The following ATXN1 variants were observed in gnomAD, a reference collection of about 807,000 sequenced individuals.
ATXN1 encodes the protein ataxin-1.
In ATXN1, 8 loss-of-function variants were observed where a neutral mutation model predicts 56.4. The observed-to-expected ratio is 0.14, with a 90% CI of 0.08 to 0.26. The LOEUF is 0.26. ATXN1 is among the 10% of genes least tolerant of loss of function. ATXN1 has a pLI of 1.00. For missense variants in ATXN1, 987 were observed against 1,106.5 expected (o/e 0.89, Z 1.53); for synonymous variants, 514 against 494.6 (o/e 1.04, Z -0.52).
At chr6:16,464,277 G>A (rs1054102746) in intron 6 of ATXN1, among the ~76,000 whole-genome samples, 4 of 152,228 alleles carry the variant, frequency 2.6e-5, no homozygotes, top group East Asian at 1.9e-4. Flanking sequence ...TCTGTAAAAC[G>A]CACCAATTAG....
intron 6 of ATXN1, among the ~76,000 whole-genome samples, chr6:16,437,900 T>A (rs1168455986): frequency 6.6e-6 from 1 of 152,210 alleles, no homozygotes; most frequent in Non-Finnish European, 1.5e-5. Flanking sequence ...GGTGCCACAC[T>A]AATTCTGGCC....
At chr6:16,486,835 C>T (rs1760556622) in intron 5 of ATXN1, among the ~76,000 whole-genome samples, 1 of 152,066 alleles carries the variant, frequency 6.6e-6, no homozygotes, top group Non-Finnish European at 1.5e-5. Flanking sequence ...GCGTTTCGTG[C>T]ACTGAATGTT....
At chr6:16,364,317 T>C (rs1761871888) in intron 6 of ATXN1, among the ~76,000 whole-genome samples, 1 of 152,148 alleles carries the variant, frequency 6.6e-6, no homozygotes, top group Admixed American at 6.5e-5. Flanking sequence ...TAGATTTTTT[T>C]TTTTTGGAGA....
intron 6 of ATXN1, among the ~76,000 whole-genome samples, chr6:16,466,918 T>C (rs1446574397): frequency 6.6e-6 from 1 of 152,200 alleles, no homozygotes; most frequent in African/African-American, 2.4e-5. Context: ...TAACTCAAGT[T>C]TCCAATAACG....
intron 4 of ATXN1, among the ~76,000 whole-genome samples, chr6:16,568,683 G>A (rs1762275833): frequency 6.6e-6 from 1 of 151,668 alleles, no homozygotes; most frequent in Non-Finnish European, 1.5e-5. Flanking sequence ...TCTGGCATCT[G>A]TCTGCCTCTC....
At chr6:16,599,178 G>C (rs560288161) in intron 3 of ATXN1, among the ~76,000 whole-genome samples, 1 of 152,268 alleles carries the variant, frequency 6.6e-6, no homozygotes, top group South Asian at 2.1e-4. Context: ...CACACCCAGG[G>C]ATCAGTCTTC....
chr6:16,580,217 C>A (rs765608379), intron 4 of ATXN1, among the ~76,000 whole-genome samples: 1 of 152,188 alleles, frequency 6.6e-6, no homozygotes, highest in Non-Finnish European at 1.5e-5. Context: ...AGAAAGGGAA[C>A]TGGATGTTCA....
chr6:16,610,593 A>C (rs1437394629), intron 3 of ATXN1, among the ~76,000 whole-genome samples: 2 of 152,066 alleles, frequency 1.3e-5, no homozygotes, highest in Non-Finnish European at 2.9e-5. Context: ...AAAAATAAAA[A>C]AGGCATTCTT....
intron 6 of ATXN1, among the ~76,000 whole-genome samples, chr6:16,358,127 G>A (rs179981): frequency 0.1 from 15,405 of 152,170 alleles, 1,158 homozygotes; most frequent in Admixed American, 0.22. Flanking sequence ...CAAGAAGGGC[G>A]AAGATGCAAA....
intron 2 of ATXN1, among the ~76,000 whole-genome samples, chr6:16,682,242 G>A (rs1183073006): frequency 7.9e-6 from 1 of 126,272 alleles, no homozygotes; most frequent in Non-Finnish European, 1.6e-5. Context: ...TGTCACCCAG[G>A]CTGGAGTGCA....
intron 4 of ATXN1, among the ~76,000 whole-genome samples, chr6:16,538,870 G>C (rs1046549254): frequency 6.6e-6 from 1 of 152,096 alleles, no homozygotes; most frequent in African/African-American, 2.4e-5. Flanking sequence ...TTTTTCAGTA[G>C]AGACAGGGTT....
intron 4 of ATXN1, among the ~76,000 whole-genome samples, chr6:16,555,466 A>G (rs890985246): frequency 1.3e-5 from 2 of 151,946 alleles, no homozygotes; most frequent in African/African-American, 2.4e-5. Context: ...TAAACACACC[A>G]CCTAACAATG....
intron 2 of ATXN1, among the ~76,000 whole-genome samples, chr6:16,672,793 G>A (rs138622178): frequency 6.9e-4 from 105 of 152,286 alleles, no homozygotes; most frequent in Admixed American, 2.0e-3. Flanking sequence ...GCCGAGGCGG[G>A]TGGATCGCCT....
At chr6:16,619,393 A>T (rs1318786916) in intron 3 of ATXN1, among the ~76,000 whole-genome samples, 1 of 152,238 alleles carries the variant, frequency 6.6e-6, no homozygotes, top group East Asian at 1.9e-4. Context: ...ATTAAATGCT[A>T]GATAAATAGA....
chr6:16,722,079 C>T (rs1759756652), intron 2 of ATXN1, among the ~76,000 whole-genome samples: 1 of 152,186 alleles, frequency 6.6e-6, no homozygotes, highest in African/African-American at 2.4e-5. Context: ...GTTCTTCTAG[C>T]CAGCCTACAC....
chr6:16,754,063 T>C (rs1760809935), intron 1 of ATXN1: 1 of 152,220 alleles, frequency 6.6e-6, no homozygotes, highest in African/African-American at 2.4e-5. Context: ...GGGAGCTTGG[T>C]GCTTGTAGTA....
chr6:16,330,317 C>A (rs543319666), intron 6 of ATXN1, among the ~76,000 whole-genome samples: 1 of 152,232 alleles, frequency 6.6e-6, no homozygotes, highest in Admixed American at 6.5e-5. Context: ...AACATAACCC[C>A]CTTTCTCTAC....
chr6:16,562,993 G>A (rs554176057), intron 4 of ATXN1, among the ~76,000 whole-genome samples: 4 of 151,924 alleles, frequency 2.6e-5, no homozygotes, highest in African/African-American at 7.2e-5. Flanking sequence ...TCCAGAAAAC[G>A]AGGGGTCTTG....
chr6:16,399,337 G>C (rs1032357771), intron 6 of ATXN1, among the ~76,000 whole-genome samples: 1 of 152,156 alleles, frequency 6.6e-6, no homozygotes, highest in African/African-American at 2.4e-5. Context: ...GTTAGGCTAC[G>C]TAGCCAACAC....
Sources: gnomAD v4.1 joint callset for allele counts (sites outside exome capture counted in the v4.1 genomes callset) on GRCh38, gnomAD v4.1.1 for gene constraint, MANE v1.5 for transcripts, NCBI Gene and HGNC (gene_info 2026-07-23, HGNC 2026-07-21) for gene names.